MECOM: variants seen among roughly 807,000 people sequenced by gnomAD.
MECOM encodes the protein histone-lysine N-methyltransferase MECOM.
A neutral mutation model predicts 116.3 loss-of-function variants in MECOM; 13 were observed. The observed-to-expected ratio is 0.11, with a 90% CI of 0.07 to 0.18. The LOEUF (loss-of-function observed/expected upper bound fraction) is 0.18. Ranked by LOEUF, MECOM falls within the 10% of genes least tolerant of loss-of-function variation. The probability of loss-of-function intolerance (pLI) is 1.00; values close to 1 mark genes in which losing one functional copy is unlikely to be tolerated. For missense variants in MECOM, 1,299 were observed against 1,509.0 expected (o/e 0.86, Z 2.31); for synonymous variants, 528 against 535.2 (o/e 0.99, Z 0.19).
At chr3:169,542,567 C>T (rs1760220706) in intron 1 of MECOM, among the ~76,000 whole-genome samples, 1 of 152,192 alleles carries the variant, frequency 6.6e-6, no homozygotes, top group East Asian at 1.9e-4. Context: ...ATTGTTGACA[C>T]ATTAGCTAAT....
chr3:169,262,316 A>G (rs1159612253), intron 2 of MECOM, among the ~76,000 whole-genome samples: 1 of 152,188 alleles, frequency 6.6e-6, no homozygotes, highest in Non-Finnish European at 1.5e-5. Context: ...GCCCTTCCTG[A>G]CCAAACTCTT....
chr3:169,648,051 A>G (rs541297930), intron 1 of MECOM, among the ~76,000 whole-genome samples: 1 of 152,212 alleles, frequency 6.6e-6, no homozygotes, highest in Non-Finnish European at 1.5e-5. Context: ...CACCACAGAG[A>G]GCATTTTCCT....
rs59934753 is a variant in MECOM, at chr3:169,634,241, AACACAC to A, written c.37+29089_37+29094del. Among the ~76,000 whole-genome samples, 598 of 149,166 alleles carry A rather than the reference AACACAC, an allele frequency of 4.0e-3. 3 individuals are homozygous for A. Among genetic ancestry groups the A allele is most frequent in the African/African-American group, 0.012 (490 of 40,668 alleles). Reference sequence around the variant, plus strand: ...GGGTATGCACAAACATGTGTGCACAAACACACACACACACACACACACACACACCTC... The same window carrying A: ...GGGTATGCACAAACATGTGTGCACAAACACACACACACACACACACACCTC... On this transcript the variant is annotated intron_variant, in intron 1 of 16. Coordinates refer to ENST00000651503, the MANE Select transcript of MECOM (RefSeq NM_004991.4).
intron 1 of MECOM, among the ~76,000 whole-genome samples, chr3:169,606,310 G>A (rs1768538168): frequency 1.3e-5 from 2 of 151,922 alleles, no homozygotes; most frequent in African/African-American, 2.4e-5. Flanking sequence ...CTACTCGGGA[G>A]GCTGAGACAG....
At chr3:169,539,854 C>G (rs1759861338) in intron 1 of MECOM, among the ~76,000 whole-genome samples, 1 of 152,156 alleles carries the variant, frequency 6.6e-6, no homozygotes, top group Non-Finnish European at 1.5e-5. Context: ...CCTCTACAGT[C>G]AAATCAATAA....
At position 169,094,732 on chromosome 3, in the gene MECOM, C is replaced by T. The variant is rs117583527; in HGVS notation, c.3019+344G>A. 1.6e-3 allele frequency among the ~76,000 whole-genome samples: 240 copies of T among 152,306 alleles called. 3 individuals are homozygous for T. The East Asian group carries it at 0.043, about 27-fold the overall frequency. On this transcript the variant is annotated intron_variant, in intron 13 of 16. Transcript: ENST00000651503. ...CTGCTACTCTAGAGACTCTGCCATGCCTAGAGGCCACATTCTGTGCCAACA... is the reference window on the plus strand; with the variant it reads ...CTGCTACTCTAGAGACTCTGCCATGTCTAGAGGCCACATTCTGTGCCAACA...
intron 1 of MECOM, among the ~76,000 whole-genome samples, chr3:169,450,944 A>G (rs540534565): frequency 2.2e-4 from 34 of 152,324 alleles, no homozygotes; most frequent in African/African-American, 7.7e-4. Flanking sequence ...ATGATATAAA[A>G]TATTTCCACT....
intron 2 of MECOM, among the ~76,000 whole-genome samples, chr3:169,282,144 A>G (rs1311339164): frequency 6.6e-6 from 1 of 152,222 alleles, no homozygotes; most frequent in East Asian, 1.9e-4. Context: ...CCAGCACTTA[A>G]TTAGGTTCCT....
chr3:169,348,342 A>G (rs1725731605), intron 2 of MECOM, among the ~76,000 whole-genome samples: 1 of 152,068 alleles, frequency 6.6e-6, no homozygotes, highest in South Asian at 2.1e-4. Context: ...CACACCTCAT[A>G]ACATAATCCT....
At chr3:169,188,222 TACTTA>T (rs1424340979) in intron 2 of MECOM, among the ~76,000 whole-genome samples, 2 of 152,048 alleles carry the variant, frequency 1.3e-5, no homozygotes, top group African/African-American at 2.4e-5. Flanking sequence ...ACTATTAATA[TACTTA>T]ATGTCAGCAT....
chr3:169,270,109 A>G (rs1181680637), intron 2 of MECOM, among the ~76,000 whole-genome samples: 1 of 152,138 alleles, frequency 6.6e-6, no homozygotes, highest in Non-Finnish European at 1.5e-5. Flanking sequence ...AAAAAGGACA[A>G]TGTATAGTAG....
intron 1 of MECOM, among the ~76,000 whole-genome samples, chr3:169,409,437 A>T (rs1423251083): frequency 6.6e-6 from 1 of 152,196 alleles, no homozygotes; most frequent in East Asian, 1.9e-4. Context: ...CAGCATTTTC[A>T]TGGCGTGGTT....
At chr3:169,651,702 G>A (rs1383788997) in intron 1 of MECOM, among the ~76,000 whole-genome samples, 4 of 151,944 alleles carry the variant, frequency 2.6e-5, no homozygotes, top group African/African-American at 9.7e-5. Flanking sequence ...CAGATGATGG[G>A]TGCACCAAAA....
chr3:169,403,623 T>G (rs1736222382), intron 1 of MECOM, among the ~76,000 whole-genome samples: 1 of 152,218 alleles, frequency 6.6e-6, no homozygotes, highest in South Asian at 2.1e-4. Context: ...ATGGACTTAT[T>G]TGCACCATCG....
In MECOM at chr3:169,368,223, C is replaced by T. The variant is rs114884315; in HGVS notation, c.375+12964G>A. Among the ~76,000 whole-genome samples, 1,379 of 152,060 alleles carry T rather than the reference C, an allele frequency of 9.1e-3. 24 individuals carry two copies. The highest frequency in any genetic ancestry group is 0.032 in the African/African-American group (1,319 of 41,532). ...ACAATATTTTACCAATCTTCAGTTT[C>T]GGTTACATCATGAAAGACCAAAAGA... On this transcript the variant is annotated intron_variant, in intron 2 of 16. Transcript: ENST00000651503.
At chr3:169,358,879 A>G (rs569137073) in intron 2 of MECOM, among the ~76,000 whole-genome samples, 2 of 151,786 alleles carry the variant, frequency 1.3e-5, no homozygotes, top group Non-Finnish European at 2.9e-5. Flanking sequence ...TGGTAGAAAT[A>G]CTATCTCATT....
chr3:169,359,092 T>C (rs1248769537), intron 2 of MECOM, among the ~76,000 whole-genome samples: 1 of 151,806 alleles, frequency 6.6e-6, no homozygotes, highest in Admixed American at 6.6e-5. Context: ...TATCACATCA[T>C]AATTTTGCCT....
rs1560197490 is a variant in MECOM, at chr3:169,378,494, A to C, written c.375+2693T>G. Among the ~76,000 whole-genome samples the C allele has an allele frequency of 8.9e-4, 31 of 34,838 alleles. 3 individuals are homozygous for C. The highest frequency in any genetic ancestry group is 3.7e-3 in the African/African-American group (14 of 3,794). 22.9% of individuals were successfully genotyped at this position (34,838 alleles called of 152,430 possible). On this transcript the variant is annotated intron_variant, in intron 2 of 16. Transcript: ENST00000651503. ...GCAAGCAAGAAAGAGAGAGAGAAAGAAAGAAAGAAAGAAAGAAAGAAAAGA... is the reference window on the plus strand; with the variant it reads ...GCAAGCAAGAAAGAGAGAGAGAAAGCAAGAAAGAAAGAAAGAAAGAAAAGA...
At chr3:169,149,481 C>T (rs1404110370) in intron 2 of MECOM, 4 of 239,152 alleles carry the variant, frequency 1.7e-5, no homozygotes, top group East Asian at 1.3e-4. Context: ...TACGGCAGGA[C>T]GCCGGTAGAT....
Sources: allele counts gnomAD v4.1 joint callset (sites outside exome capture counted in the v4.1 genomes callset), GRCh38; gene constraint gnomAD v4.1.1; transcripts MANE v1.5; gene names NCBI Gene and HGNC (gene_info 2026-07-23, HGNC 2026-07-21).